The following WDR26 variants were observed in gnomAD, a reference collection of about 807,000 sequenced individuals.
The protein encoded by WDR26 is WD repeat-containing protein 26.
Under a neutral mutation model 84.1 loss-of-function variants are expected in WDR26, and 5 were observed. That is an observed-to-expected ratio of 0.06 (90% CI 0.03 to 0.13). The LOEUF (loss-of-function observed/expected upper bound fraction) is 0.13, where lower values mean the gene tolerates loss of function less well. WDR26 is among the 10% of genes least tolerant of loss of function. WDR26 has a pLI of 1.00. For missense variants in WDR26, 642 were observed against 974.9 expected, an observed-to-expected ratio of 0.66 and a Z score of 4.55; for synonymous variants, 415 against 389.6, an observed-to-expected ratio of 1.07 and a Z score of -0.77.
intron 9 of WDR26, among the ~76,000 whole-genome samples, chr1:224,400,396 AT>A (rs1319225256): frequency 2.7e-4 from 41 of 152,210 alleles, no homozygotes; most frequent in African/African-American, 7.7e-4. Flanking sequence ...AGCAAAACAC[AT>A]TTTTTTGTTC....
At chr1:224,392,164 A>G (rs544461689) in intron 13 of WDR26, among the ~76,000 whole-genome samples, 8 of 152,280 alleles carry the variant, frequency 5.3e-5, no homozygotes, top group African/African-American at 1.9e-4. Context: ...GATCGAGACC[A>G]TCCTGGCTAA....
chr1:224,433,053 T>G (rs374389903), intron 1 of WDR26, among the ~76,000 whole-genome samples: 1 of 152,184 alleles, frequency 6.6e-6, no homozygotes, highest in Non-Finnish European at 1.5e-5. Flanking sequence ...AGGCCTCTTG[T>G]ACACACACAC....
At chr1:224,407,175 TC>T in intron 7 of WDR26, among the ~76,000 whole-genome samples, 6 of 89,068 alleles carry the variant, frequency 6.7e-5, no homozygotes, top group African/African-American at 1.8e-4. Flanking sequence ...TATATATAAC[TC>T]AAAAACTTTT....
At chr1:224,396,016 AAT>A (rs1673250588) in intron 12 of WDR26, among the ~76,000 whole-genome samples, 1 of 152,210 alleles carries the variant, frequency 6.6e-6, no homozygotes, top group South Asian at 2.1e-4. Context: ...GGGTCATTGA[AAT>A]ATATTCCTTA....
chr1:224,415,449 C>CTTTTTTTTTTTTATTTTTTTTTTTTTT (rs1673867572), intron 6 of WDR26, among the ~76,000 whole-genome samples: 1 of 102,722 alleles, frequency 9.7e-6, no homozygotes, highest in African/African-American at 4.4e-5. Context: ...ACACGTATTT[C>CTTTTTTTTTTTTATTTTTTTTTTTTTT]TTTCTTTTTT....
rs1051648074 is a variant in WDR26 at position 224,418,244 on chromosome 1, G to A, written c.1319+16C>T. On this transcript the variant is annotated intron_variant, in intron 6 of 13. Coordinates refer to ENST00000414423, the MANE Select transcript of WDR26 (RefSeq NM_001379403.1). ...AATGTTAGGCTGTTTCAGAATATAG[G>A]AAGTTTTCCTCTTACCTACTACAAA... 1 of 1,586,018 alleles carries A rather than the reference G, an allele frequency of 6.3e-7. No homozygotes were observed. Among genetic ancestry groups the A allele is most frequent in the Non-Finnish European group, 8.6e-7 (1 of 1,168,590 alleles).
chr1:224,430,855 G>A (rs908127611), intron 3 of WDR26: 4 of 152,182 alleles, frequency 2.6e-5, no homozygotes, highest in Non-Finnish European at 5.9e-5. Flanking sequence ...TTATGAAAGC[G>A]GCTAACAGGT....
chr1:224,430,676 A>T (rs767482280), intron 3 of WDR26: 1 of 152,222 alleles, frequency 6.6e-6, no homozygotes, highest in Non-Finnish European at 1.5e-5. Context: ...CCAGACAGGA[A>T]ACTGCTTTTG....
chr1:224,401,247 T>TG (rs1673404866), intron 8 of WDR26, among the ~76,000 whole-genome samples, 178 bp from the exon 9 acceptor site: 1 of 152,026 alleles, frequency 6.6e-6, no homozygotes, highest in African/African-American at 2.4e-5. Flanking sequence ...ATTAAGAACT[T>TG]GAAGAAAAAC....
Position 224,389,652 on chromosome 1 carries a change from C to A in WDR26, c.*183G>T. On this transcript the variant is annotated 3_prime_UTR_variant, in exon 14 of 14. Coordinates refer to ENST00000414423, the MANE Select transcript of WDR26 (RefSeq NM_001379403.1). ...ACAACGTTCTAACGACGTGCTTCAT[C>A]TCAACTGGTTACTATGAAGCAAGGT... 1 of 653,070 alleles carries A rather than the reference C, an allele frequency of 1.5e-6. No individual in the cohort carries two copies. Among genetic ancestry groups the A allele is most frequent in the Non-Finnish European group, 2.7e-6 (1 of 373,338 alleles). 40.5% of individuals were successfully genotyped at this position (653,070 alleles called of 1,614,324 possible).
chr1:224,385,957 A>ACT lies in WDR26; in HGVS notation c.*3876_*3877dup, dbSNP rs925164864. 2 of 151,634 alleles carry ACT rather than the reference A, an allele frequency of 1.3e-5. No homozygotes were observed. The highest frequency in any genetic ancestry group is 2.1e-4 in the South Asian group (1 of 4,820). The allele number at this position is 151,634 out of a possible 1,614,324, so 9.4% of individuals were successfully genotyped here. A position where few individuals can be genotyped will look rare whatever the true frequency, so the allele number is the denominator to read the frequency against. ...TCCAGGACTTTTTAATGAATCAAGT[A>ACT]CTCTCTCTCTCACACACACACAGAA... is the stretch of plus-strand genomic sequence containing the variant. On this transcript the variant is annotated 3_prime_UTR_variant, in exon 14 of 14. Coordinates refer to ENST00000414423, the MANE Select transcript of WDR26 (RefSeq NM_001379403.1).
chr1:224,400,783 T>G (rs761329291), intron 9 of WDR26, among the ~76,000 whole-genome samples, 167 bp downstream of exon 9: 2 of 152,172 alleles, frequency 1.3e-5, no homozygotes, highest in Admixed American at 1.3e-4. Context: ...TGATCTCAGG[T>G]GATCCACCTG....
At chr1:224,392,832 AC>A (rs1468538171) in intron 13 of WDR26, among the ~76,000 whole-genome samples, 1 of 151,708 alleles carries the variant, frequency 6.6e-6, no homozygotes, top group African/African-American at 2.4e-5. Context: ...TTCAAACCAT[AC>A]ATGCTACTCC....
In WDR26 at chr1:224,433,808, C is replaced by A; in HGVS notation, c.598G>T (p.Ala200Ser). 1.3e-6 allele frequency: 2 copies of A among 1,536,892 alleles called. No homozygotes were observed. Among genetic ancestry groups the A allele is most frequent in the Non-Finnish European group, 1.7e-6 (2 of 1,146,788 alleles). ...GGGGTGGCCAAGGAAGAGGAGGCGG[C>A]GGTGGTGGCGGAGGCAGCTGCGACG... The change falls in exon 1 of 14, where the codon GCC becomes TCC. Residue 200 changes from alanine to serine, a missense_variant. Around this residue, in one of 2 missense-constraint regions of WDR26, gnomAD observed 291 missense variants for 302.1 expected, o/e 0.96. Coordinates refer to ENST00000414423, the MANE Select transcript of WDR26 (RefSeq NM_001379403.1).
At chr1:224,423,409 C>A (rs1674119966) in intron 4 of WDR26, among the ~76,000 whole-genome samples, 2 of 152,132 alleles carry the variant, frequency 1.3e-5, no homozygotes, top group Non-Finnish European at 2.9e-5. Flanking sequence ...CCTTTCTATT[C>A]CTAGTTTGTT....
At chr1:224,428,104 A>G (rs1674283171) in intron 3 of WDR26, among the ~76,000 whole-genome samples, 3 of 152,162 alleles carry the variant, frequency 2.0e-5, no homozygotes, top group Admixed American at 6.5e-5. Context: ...TTAATATCTA[A>G]TAAATTTGAA....
In WDR26 at chr1:224,385,557, C is replaced by T. The variant is rs931868576; in HGVS notation, c.*4278G>A. The stretch of plus-strand genomic sequence containing the variant: ...AAATAGTTATTACATACCAAAAGCT[C>T]TAAGTGTTAACTAGTTCCACCACAA... On this transcript the variant is annotated 3_prime_UTR_variant, in exon 14 of 14. Coordinates refer to ENST00000414423, the MANE Select transcript of WDR26 (RefSeq NM_001379403.1). 6.6e-6 allele frequency: 1 copy of T among 152,612 alleles called. No homozygotes were observed. The highest frequency in any genetic ancestry group is 1.5e-5 in the Non-Finnish European group (1 of 68,022). 9.5% of individuals were successfully genotyped at this position (152,612 alleles called of 1,614,324 possible).
At chr1:224,432,220 A>C (rs1486582937) in intron 1 of WDR26, among the ~76,000 whole-genome samples, 2 of 152,212 alleles carry the variant, frequency 1.3e-5, no homozygotes, top group African/African-American at 4.8e-5. Flanking sequence ...ATTGCATAGA[A>C]ATTCTACTAG....
intron 3 of WDR26, among the ~76,000 whole-genome samples, chr1:224,426,582 C>T (rs1674215075): frequency 6.6e-6 from 1 of 150,548 alleles, no homozygotes; most frequent in African/African-American, 2.4e-5. Flanking sequence ...CATTACTGTA[C>T]ATACAGCCTG....
Sources: gnomAD v4.1 joint callset for allele counts (sites outside exome capture counted in the v4.1 genomes callset) on GRCh38, gnomAD v4.1.1 for gene constraint, gnomAD v4.1.1 regional missense constraint, MANE v1.5 for transcripts, NCBI Gene and HGNC (gene_info 2026-07-23, HGNC 2026-07-21) for gene names.